Variants in STAB1 observed in about 807,000 individuals in gnomAD.
STAB1 encodes the protein stabilin 1, also known as stabilin-1.
In STAB1, 250 loss-of-function variants were observed where a neutral mutation model predicts 332.4. The observed-to-expected ratio is 0.75, with a 90% CI of 0.68 to 0.84. STAB1 has a LOEUF of 0.84. Ranked by LOEUF, STAB1 falls within the 40% of genes least tolerant of loss-of-function variation. The pLI is 0.00. For synonymous variants in STAB1, 1,475 were observed against 1,390.4 expected (o/e 1.06, Z -1.35); for missense variants, 3,249 against 3,489.7 (o/e 0.93, Z 1.74).
chr3:52,522,339 C>G lies in STAB1; in HGVS notation c.6475C>G (p.Arg2159Gly), dbSNP rs373427616. 1.2e-6 allele frequency: 2 copies of G among 1,612,776 alleles called. No individual in the cohort carries two copies. Among genetic ancestry groups the G allele is most frequent in the Non-Finnish European group, 1.7e-6 (2 of 1,180,018 alleles). Residue 2159 changes from arginine (R) to glycine (G), a missense_variant, in exon 60 of 69, where the codon CGC becomes GGC. Transcript: ENST00000321725. ...CTCTCTCCAACCCCAGAACACACGG[C>G]GCTGTGAGTGCCACGCAGGCTACGT... The part of the protein sequence containing the change: ...NCLSTGLNTR[R>G]CECHAGYVGD...
At chr3:52,501,387 T>C in intron 2 of STAB1, 85 bp downstream of exon 2, 1 of 1,560,280 alleles carries the variant, frequency 6.4e-7, no homozygotes, top group South Asian at 1.2e-5. Context: ...GCCCACAAAA[T>C]GAGGAGAAGC....
In STAB1 at chr3:52,503,954, C is replaced by T. The variant is rs1374772476; in HGVS notation, c.1022+52C>T. 1.9e-6 allele frequency: 3 copies of T among 1,610,630 alleles called. No individual in the cohort carries two copies. In the South Asian group the frequency reaches 3.3e-5, roughly 18 times the overall value. ...ACAGTGGGTTGGGCAAGCGTGCCCT[C>T]TGCGGGAAGGCGTGGGGGGTGCGGT... is the stretch of plus-strand genomic sequence containing the variant. On this transcript the variant is annotated intron_variant, in intron 9 of 68. Transcript: ENST00000321725.
intron 45 of STAB1, 25 bp downstream of exon 45, chr3:52,518,028 T>A (rs779734476): frequency 4.1e-5 from 65 of 1,590,092 alleles, no homozygotes; most frequent in Non-Finnish European, 8.5e-7. Context: ...GTCAGACCCC[T>A]GATCTGGTCT....
intron 19 of STAB1, 49 bp from the exon 20 acceptor site, chr3:52,507,882 C>T (rs1390961620): frequency 5.7e-6 from 9 of 1,570,652 alleles, no homozygotes; most frequent in Non-Finnish European, 2.6e-6. Flanking sequence ...AGCAAAGGGG[C>T]TGGCCCAGAA....
At position 52,504,079 on chromosome 3, in the gene STAB1, C is replaced by T. The variant is rs1708661237; in HGVS notation, c.1074C>T (p.His358=). The change falls in exon 10 of 69, where the codon CAC becomes CAT. Residue 358 remains histidine (H), a synonymous_variant. Transcript: ENST00000321725. ...GGGATGGGCGTGCCTGCTACGGACACCTGCTCCACGAGGTGCAGAAGGCCA... is the reference window on the plus strand; with the variant it reads ...GGGATGGGCGTGCCTGCTACGGACATCTGCTCCACGAGGTGCAGAAGGCCA... The part of the protein sequence containing the change: ...EVGDGRACYG[H]LLHEVQKATQ... The T allele has an allele frequency of 1.9e-6, 3 of 1,587,030 alleles. No homozygotes were observed. The highest frequency in any genetic ancestry group is 1.7e-6 in the Non-Finnish European group (2 of 1,166,738).
intron 46 of STAB1, 85 bp downstream of exon 46, chr3:52,518,444 G>C (rs887959955): frequency 1.3e-6 from 2 of 1,570,900 alleles, no homozygotes; most frequent in African/African-American, 2.7e-5. Context: ...GGGTTGGCTG[G>C]TTTGTTCTCT....
At position 52,520,852 on chromosome 3, in the gene STAB1, C is replaced by T. The variant is rs1462200529; in HGVS notation, c.5755C>T (p.Pro1919Ser). Residue 1919 changes from proline (P) to serine (S), a missense_variant, in exon 55 of 69, where the codon CCT becomes TCT. Transcript: ENST00000321725. ...WRFYPKFWTSPPLHSLGLRSV... is the reference protein window; with the variant it reads ...WRFYPKFWTSSPLHSLGLRSV... ...CTTCTACCCGAAGTTCTGGACGTCCCCTCCGCTGCACTCTTTGGGATTACG... is the reference window on the plus strand; with the variant it reads ...CTTCTACCCGAAGTTCTGGACGTCCTCTCCGCTGCACTCTTTGGGATTACG... 6.2e-7 allele frequency: 1 copy of T among 1,612,852 alleles called. No individual in the cohort carries two copies. Among genetic ancestry groups the T allele is most frequent in the Admixed American group, 1.7e-5 (1 of 60,026 alleles).
chr3:52,506,987 A>G lies in STAB1; in HGVS notation c.1989+137A>G, dbSNP rs1708926309. Reference sequence around the variant, plus strand: ...CTGAGGCCCTGCTGGCAGACTCCCAAGGACCCACCTGTGCTTCCCCCACGC... The same window carrying G: ...CTGAGGCCCTGCTGGCAGACTCCCAGGGACCCACCTGTGCTTCCCCCACGC... On this transcript the variant is annotated intron_variant, in intron 18 of 68. Coordinates refer to ENST00000321725, the MANE Select transcript of STAB1 (RefSeq NM_015136.3). 5.0e-6 allele frequency: 6 copies of G among 1,195,470 alleles called. No homozygotes were observed. In the East Asian group the frequency reaches 7.6e-5, roughly 15 times the overall value. 74.1% of individuals were successfully genotyped at this position (1,195,470 alleles called of 1,614,324 possible). A position where few individuals can be genotyped will look rare whatever the true frequency, so the allele number is the denominator to read the frequency against.
intron 17 of STAB1, among the ~76,000 whole-genome samples, chr3:52,506,478 C>T (rs1708875930): frequency 6.6e-6 from 1 of 152,228 alleles, no homozygotes; most frequent in African/African-American, 2.4e-5. Context: ...TAGGGCTGCC[C>T]CATGTGGCAG....
chr3:52,502,200 C>A lies in STAB1; in HGVS notation c.459C>A (p.Pro153=). 6.2e-7 allele frequency: 1 copy of A among 1,613,118 alleles called. No individual in the cohort carries two copies. Among genetic ancestry groups the A allele is most frequent in the Non-Finnish European group, 8.5e-7 (1 of 1,179,996 alleles). ...CAGCCTGCCAGGAGTGCCAAGACCC[C>A]AACCGGTTCGGGCCTGACTGCCAAT... ...RGSACQECQD[P]NRFGPDCQSV... Residue 153 remains proline (P), a synonymous_variant, in exon 5 of 69, where the codon CCC becomes CCA. Coordinates refer to ENST00000321725, the MANE Select transcript of STAB1 (RefSeq NM_015136.3).
intron 36 of STAB1, 106 bp downstream of exon 36, chr3:52,515,151 TC>T: frequency 7.0e-7 from 1 of 1,423,866 alleles, no homozygotes; most frequent in Non-Finnish European, 9.6e-7. Context: ...GGCCCAGGCA[TC>T]CAGGCTCAGG....
intron 1 of STAB1, among the ~76,000 whole-genome samples, chr3:52,499,975 A>C (rs1708327786): frequency 1.3e-5 from 2 of 149,470 alleles, no homozygotes; most frequent in African/African-American, 2.5e-5. Context: ...CGGGAGGCTG[A>C]GGCAGGAGGA....
At chr3:52,509,379 G>A (rs1052888886) in intron 22 of STAB1, 58 bp downstream of exon 22, 2 of 1,482,482 alleles carry the variant, frequency 1.3e-6, no homozygotes, top group Non-Finnish European at 1.9e-6. Flanking sequence ...CCTAAAGATG[G>A]GTCTGGGGGC....
intron 13 of STAB1, 54 bp downstream of exon 13, chr3:52,505,197 C>G (rs764935319): frequency 1.9e-5 from 31 of 1,606,820 alleles, no homozygotes; most frequent in Non-Finnish European, 2.5e-5. Context: ...ATCTCAGACC[C>G]CTGCAGAGAG....
In STAB1 at chr3:52,501,248, C is replaced by T. The variant is rs796766472; in HGVS notation, c.161C>T (p.Thr54Met). The change falls in exon 2 of 69, where the codon ACG (threonine) becomes ATG (methionine). Residue 54 changes from threonine (T) to methionine (M), a missense_variant. Coordinates refer to ENST00000321725, the MANE Select transcript of STAB1 (RefSeq NM_015136.3). Reference protein sequence around the residue: ...CTSCAAIKKQTCPSGWLRELP... With the variant: ...CTSCAAIKKQMCPSGWLRELP... ...TCGTGCGCGGCCATCAAGAAGCAGA[C>T]GTGTCCCTCAGGCTGGCTGCGGGAG... The T allele has an allele frequency of 1.9e-6, 3 of 1,613,764 alleles. No individual in the cohort carries two copies. Among genetic ancestry groups the T allele is most frequent in the Non-Finnish European group, 2.5e-6 (3 of 1,180,014 alleles).
rs760659540 is a variant in STAB1, at chr3:52,519,504, G to C, written c.5176-1G>C. The stretch of plus-strand genomic sequence containing the variant: ...AGCTGTTTATGAGAGCCTTTCCTCA[G>C]AGAAATGTCACCGCCGCCGCCCAGG... On this transcript the variant is annotated splice_acceptor_variant, in intron 49 of 68. Transcript: ENST00000321725. LOFTEE classifies it high-confidence loss of function. 6.2e-7 allele frequency: 1 copy of C among 1,613,270 alleles called. No homozygotes were observed. Among genetic ancestry groups the C allele is most frequent in the Admixed American group, 1.7e-5 (1 of 60,022 alleles).
In STAB1 at chr3:52,506,899, C is replaced by T. The variant is rs369322158; in HGVS notation, c.1989+49C>T. 87 of 1,593,040 alleles carry T rather than the reference C, an allele frequency of 5.5e-5. 2 individuals are homozygous for T. The Middle Eastern group carries it at 1.0e-3, about 18-fold the overall frequency. ...GGCCCTACTCACTAACCCCTGTCAG[C>T]GCTGGAGCGGCAATCCTCTTCCCAG... On this transcript the variant is annotated intron_variant, in intron 18 of 68. Transcript: ENST00000321725.
At position 52,505,115 on chromosome 3, in the gene STAB1, C is replaced by T. The variant is rs145832353; in HGVS notation, c.1490C>T (p.Ala497Val). ...GTGGTCACTGGCCTGCGGTGGCAGG[C>T]CCCCTCTGGGACCCCTGGGGATCCC... The part of the protein sequence containing the change: ...FHVVTGLRWQ[A>V]PSGTPGDPKR... The change falls in exon 13 of 69, where the codon GCC becomes GTC. Residue 497 changes from alanine to valine, a missense_variant. Coordinates refer to ENST00000321725, the MANE Select transcript of STAB1 (RefSeq NM_015136.3). The T allele has an allele frequency of 3.4e-5, 55 of 1,613,302 alleles. No homozygotes were observed. The African/African-American group carries it at 7.3e-4, about 21-fold the overall frequency.
chr3:52,515,130 C>A (rs1407060614), intron 36 of STAB1, 85 bp downstream of exon 36: 1 of 1,525,810 alleles, frequency 6.6e-7, no homozygotes, highest in Non-Finnish European at 8.9e-7. Context: ...CCCTCCAGCC[C>A]AGTTTTGCTT....
Sources: gnomAD v4.1 joint callset for allele counts (sites outside exome capture counted in the v4.1 genomes callset) on GRCh38, gnomAD v4.1.1 for gene constraint, MANE v1.5 for transcripts, NCBI Gene and HGNC (gene_info 2026-07-23, HGNC 2026-07-21) for gene names.